Variants in ITIH5 observed in about 807,000 individuals in gnomAD.
ITIH5 encodes inter-alpha-trypsin inhibitor heavy chain 5.
ITIH5 carries 65 observed loss-of-function variants against 77.5 expected under a neutral mutation model. The ratio of observed to expected loss-of-function variants is 0.84; its 90% CI spans 0.69 to 1.03. ITIH5 has a LOEUF of 1.03. Among genes scored for constraint, ITIH5 ranks in the 50% least tolerant of loss-of-function variants. The pLI is 0.00. For synonymous variants in ITIH5, 525 were observed against 494.3 expected (o/e 1.06, Z -0.82); for missense variants, 1,208 against 1,213.1 (o/e 1.00, Z 0.06).
At chr10:7,624,631 A>G (rs544987140) in intron 5 of ITIH5, among the ~76,000 whole-genome samples, 1 of 150,962 alleles carries the variant, frequency 6.6e-6, no homozygotes, top group Non-Finnish European at 1.5e-5. Context: ...CAGCCTAGCT[A>G]ACATGGTGAA....
At chr10:7,645,869 G>A (rs1834002459) in intron 2 of ITIH5, among the ~76,000 whole-genome samples, 1 of 152,106 alleles carries the variant, frequency 6.6e-6, no homozygotes, top group African/African-American at 2.4e-5. Context: ...GATTAGGCTG[G>A]GGATGATAAT....
At chr10:7,636,218 T>A (rs1012948051) in intron 5 of ITIH5, among the ~76,000 whole-genome samples, 1 of 152,182 alleles carries the variant, frequency 6.6e-6, no homozygotes, top group Non-Finnish European at 1.5e-5. Flanking sequence ...TAGATTATAC[T>A]GTAGTTTTTC....
chr10:7,624,350 A>C (rs1460710126), intron 5 of ITIH5, among the ~76,000 whole-genome samples: 1 of 151,714 alleles, frequency 6.6e-6, no homozygotes, highest in East Asian at 1.9e-4. Flanking sequence ...TCTACTAAAA[A>C]TACAAACTTA....
chr10:7,643,053 G>A (rs1441777178), intron 2 of ITIH5, among the ~76,000 whole-genome samples: 1 of 152,086 alleles, frequency 6.6e-6, no homozygotes, highest in Non-Finnish European at 1.5e-5. Flanking sequence ...ATGAAGGTGG[G>A]GTCTCTATGA....
In ITIH5 at chr10:7,580,232, C is replaced by T. The variant is rs561903523; in HGVS notation, c.1109-168G>A. Among the ~76,000 whole-genome samples, 130 of 152,140 alleles carry T rather than the reference C, an allele frequency of 8.5e-4. 1 individual carries two copies. The highest frequency in any genetic ancestry group is 1.3e-3 in the Non-Finnish European group (86 of 68,030). On this transcript the variant is annotated intron_variant, in intron 8 of 13. Coordinates refer to ENST00000397146, the MANE Select transcript of ITIH5 (RefSeq NM_030569.7). ...GCCTCCCAGGTTCAAGCGATTCTCC[C>T]GCCTCAGCCTCCCGAGTAGCTGGGA...
chr10:7,628,471 C>G (rs1362864164), intron 5 of ITIH5, among the ~76,000 whole-genome samples: 1 of 145,128 alleles, frequency 6.9e-6, no homozygotes, highest in Non-Finnish European at 1.6e-5. Flanking sequence ...TGTATCCGTG[C>G]TGCGGCATGT....
At chr10:7,665,378 C>G (rs987275756) in intron 1 of ITIH5, among the ~76,000 whole-genome samples, 7 of 152,228 alleles carry the variant, frequency 4.6e-5, no homozygotes, top group African/African-American at 1.4e-4. Flanking sequence ...CAGCATGAGT[C>G]TAAGACCATG....
intron 1 of ITIH5, among the ~76,000 whole-genome samples, chr10:7,662,745 C>G (rs912391457): frequency 6.6e-6 from 1 of 152,174 alleles, no homozygotes; most frequent in Admixed American, 6.5e-5. Flanking sequence ...CCTGGAATTT[C>G]TCCCACAGCA....
chr10:7,577,301 A>G (rs1376251880), intron 9 of ITIH5, among the ~76,000 whole-genome samples: 1 of 152,180 alleles, frequency 6.6e-6, no homozygotes, highest in Non-Finnish European at 1.5e-5. Context: ...TCCTCCCTGA[A>G]ATTTCCACCC....
At chr10:7,630,486 C>T (rs971544226) in intron 5 of ITIH5, among the ~76,000 whole-genome samples, 2 of 152,212 alleles carry the variant, frequency 1.3e-5, no homozygotes, top group Non-Finnish European at 2.9e-5. Flanking sequence ...TTCCCCAAGG[C>T]TTGTAACTTT....
chr10:7,565,661 C>T (rs1832136312), intron 13 of ITIH5, among the ~76,000 whole-genome samples: 1 of 148,506 alleles, frequency 6.7e-6, no homozygotes, highest in Admixed American at 6.8e-5. Context: ...TATACACACA[C>T]ATACATATAC....
rs1833638025 is a variant in ITIH5 at position 7,628,786 on chromosome 10, TTATCATA to T, written c.652+8435_652+8441del. On this transcript the variant is annotated intron_variant, in intron 5 of 13. Coordinates refer to ENST00000397146, the MANE Select transcript of ITIH5 (RefSeq NM_030569.7). ...GTCCATGTTGTAGCGTGTGTCCATG[TTATCATA>T]TGTATCTGTGTTTTTGCATGTGTCC... is the stretch of plus-strand genomic sequence containing the variant. Among the ~76,000 whole-genome samples, 4 of 142,598 alleles carry T rather than the reference TTATCATA, an allele frequency of 2.8e-5. 1 individual carries two copies. Among genetic ancestry groups the T allele is most frequent in the Non-Finnish European group, 4.8e-5 (3 of 62,440 alleles). 93.5% of individuals were successfully genotyped at this position (142,598 alleles called of 152,430 possible).
At position 7,566,214 on chromosome 10, in the gene ITIH5, C is replaced by T. The variant is rs757505803; in HGVS notation, c.2343G>A (p.Val781=). ...CGGACACCTCCAGCCCCCAGCTCCC[C>T]ACCACCACACTCTGGTTGCAGGGGA... ...LVLPCNQSVV[V]GSWGLEVSVS... The change falls in exon 13 of 14, where the codon GTG becomes GTA. Residue 781 remains valine (V), a synonymous_variant. Coordinates refer to ENST00000397146, the MANE Select transcript of ITIH5 (RefSeq NM_030569.7). The T allele has an allele frequency of 2.1e-5, 34 of 1,613,806 alleles. 1 individual carries two copies. In the Middle Eastern group the frequency reaches 1.5e-3, roughly 70 times the overall value.
At chr10:7,599,688 C>T (rs537060347) in intron 7 of ITIH5, among the ~76,000 whole-genome samples, 1 of 152,204 alleles carries the variant, frequency 6.6e-6, no homozygotes, top group Non-Finnish European at 1.5e-5. Context: ...TCACAAACAT[C>T]GAGAACATGA....
chr10:7,666,763 C>A (rs762622112), intron 1 of ITIH5, 40 bp downstream of exon 1: 35 of 1,542,880 alleles, frequency 2.3e-5, no homozygotes, highest in Non-Finnish European at 2.8e-5. Flanking sequence ...GGGAAGGGGG[C>A]GGCCGCGCCC....
At chr10:7,654,531 G>C (rs1402059524) in intron 2 of ITIH5, among the ~76,000 whole-genome samples, 1 of 152,210 alleles carries the variant, frequency 6.6e-6, no homozygotes, top group Non-Finnish European at 1.5e-5. Flanking sequence ...GACCAGGCAG[G>C]CTTAGTGCTC....
chr10:7,605,352 C>T (rs1833102188), intron 7 of ITIH5, among the ~76,000 whole-genome samples: 2 of 151,762 alleles, frequency 1.3e-5, no homozygotes, highest in South Asian at 2.1e-4. Flanking sequence ...ATTCATCATC[C>T]CCTACTCTCC....
chr10:7,615,938 G>A, intron 7 of ITIH5, 44 bp downstream of exon 7: 1 of 1,204,778 alleles, frequency 8.3e-7, no homozygotes, highest in Non-Finnish European at 1.2e-6. Flanking sequence ...ATTGTCCCAG[G>A]CAAAAGCGAG....
intron 2 of ITIH5, among the ~76,000 whole-genome samples, chr10:7,648,130 G>A (rs2131095504): frequency 6.6e-6 from 1 of 151,518 alleles, no homozygotes; most frequent in East Asian, 1.9e-4. Flanking sequence ...GCGGGCACCA[G>A]CTACTCAGGA....
Sources: gnomAD v4.1 joint callset for allele counts (sites outside exome capture counted in the v4.1 genomes callset) on GRCh38, gnomAD v4.1.1 for gene constraint, MANE v1.5 for transcripts, NCBI Gene and HGNC (gene_info 2026-07-23, HGNC 2026-07-21) for gene names.